ERBIN: variants seen among roughly 807,000 people sequenced by gnomAD.
ERBIN encodes densin-180-like protein.
ERBIN carries 60 observed loss-of-function variants against 158.4 expected under a neutral mutation model. The ratio of observed to expected loss-of-function variants is 0.38; its 90% confidence interval spans 0.31 to 0.47. ERBIN has a LOEUF of 0.47. Ranked by LOEUF, ERBIN falls within the 20% of genes least tolerant of loss-of-function variation. The pLI is 0.99. For missense variants in ERBIN, 1,610 were observed against 1,648.0 expected (o/e 0.98, Z 0.40); for synonymous variants, 594 against 557.2 (o/e 1.07, Z -0.93).
intron 1 of ERBIN, among the ~76,000 whole-genome samples, chr5:65,929,088 A>G (rs1743039799): frequency 1.3e-5 from 2 of 152,186 alleles, no homozygotes; most frequent in Non-Finnish European, 2.9e-5. Flanking sequence ...TTGAGATCAA[A>G]CTATTGTAAA....
Position 66,075,128 on chromosome 5 carries a change from A to G in ERBIN, c.3861A>G (p.Arg1287=). The G allele has an allele frequency of 6.2e-7, 1 of 1,614,182 alleles. No homozygotes were observed. The highest frequency in any genetic ancestry group is 2.2e-5 in the East Asian group (1 of 44,882). The part of the protein sequence containing the change: ...PQASVARHPS[R]EQLIDYLMLK... ...CATCTGTGGCAAGGCATCCCTCTAG[A>G]GAACAACTAATTGATTACTTGATGC... is the stretch of plus-strand genomic sequence containing the variant. Residue 1287 remains arginine (R), a synonymous_variant, in exon 23 of 26, where the codon AGA becomes AGG. Transcript: ENST00000284037.
At chr5:65,973,348 C>T (rs1393616704) in intron 1 of ERBIN, among the ~76,000 whole-genome samples, 5 of 150,822 alleles carry the variant, frequency 3.3e-5, no homozygotes, top group South Asian at 4.1e-4. Flanking sequence ...CACATGTATA[C>T]GTATGTAACA....
intron 1 of ERBIN, among the ~76,000 whole-genome samples, chr5:65,941,930 TG>T: frequency 6.6e-6 from 1 of 152,188 alleles, no homozygotes; most frequent in East Asian, 1.9e-4. Flanking sequence ...TTAGTAGAGA[TG>T]GGGTTTCACC....
chr5:66,061,306 T>C (rs939311109), intron 21 of ERBIN, among the ~76,000 whole-genome samples: 2 of 152,202 alleles, frequency 1.3e-5, no homozygotes, highest in African/African-American at 4.8e-5. Flanking sequence ...ATGGCCTTCT[T>C]TGACTCTTTT....
intron 1 of ERBIN, among the ~76,000 whole-genome samples, chr5:65,969,738 C>T (rs183485691): frequency 1.1e-3 from 168 of 152,230 alleles, no homozygotes; most frequent in Non-Finnish European, 1.9e-3. Context: ...CTCTAAAACT[C>T]ACCCCCTGCT....
At position 66,067,595 on chromosome 5, in the gene ERBIN, A is replaced by G. The variant is rs145619720; in HGVS notation, c.3634-4574A>G. Reference sequence around the variant, plus strand: ...AGCAATTAGGTATTCATATGAATTCAGTTTGTGAGAGGATTCCATCAATGG... The same window carrying G: ...AGCAATTAGGTATTCATATGAATTCGGTTTGTGAGAGGATTCCATCAATGG... On this transcript the variant is annotated intron_variant, in intron 21 of 25. Coordinates refer to ENST00000284037, the MANE Select transcript of ERBIN (RefSeq NM_001253697.2). Among the ~76,000 whole-genome samples the G allele has an allele frequency of 1.6e-4, 24 of 152,346 alleles. No individual in the cohort carries two copies. The East Asian group carries it at 4.6e-3, about 29-fold the overall frequency.
At chr5:65,971,055 A>G (rs1359932813) in intron 1 of ERBIN, among the ~76,000 whole-genome samples, 1 of 152,178 alleles carries the variant, frequency 6.6e-6, no homozygotes, top group Non-Finnish European at 1.5e-5. Context: ...ATTCAACGTT[A>G]ATTTGACTGA....
At chr5:65,933,120 G>C (rs1743644785) in intron 1 of ERBIN, among the ~76,000 whole-genome samples, 1 of 152,036 alleles carries the variant, frequency 6.6e-6, no homozygotes, top group Admixed American at 6.6e-5. Flanking sequence ...CCTATTTTTG[G>C]TCTGCATGTA....
intron 2 of ERBIN, among the ~76,000 whole-genome samples, chr5:65,989,443 A>G (rs1010653178): frequency 1.3e-5 from 2 of 152,172 alleles, no homozygotes; most frequent in African/African-American, 4.8e-5. Context: ...TGTAGTCTCT[A>G]TTCACAGAAA....
chr5:65,954,387 A>C (rs1746853401), intron 1 of ERBIN, among the ~76,000 whole-genome samples: 3 of 152,288 alleles, frequency 2.0e-5, no homozygotes, highest in Middle Eastern at 3.4e-3. Context: ...GTTGTGCAAG[A>C]GATGAGAGTA....
chr5:66,044,366 G>A (rs1758203641), intron 17 of ERBIN, 56 bp downstream of exon 17: 4 of 1,496,458 alleles, frequency 2.7e-6, no homozygotes, highest in Non-Finnish European at 9.0e-7. Context: ...ATTTTTAAAT[G>A]ACAGTTGATA....
rs150528683 is a variant in ERBIN, at chr5:65,931,770, A to C, written c.-58+4964A>C. On this transcript the variant is annotated intron_variant, in intron 1 of 25. Coordinates refer to ENST00000284037, the MANE Select transcript of ERBIN (RefSeq NM_001253697.2). ...AAGTATATGAAGAAAATCCAGCCTT[A>C]TACAGGTATTTGGTTGGAAAAGGGA... 3.3e-5 allele frequency among the ~76,000 whole-genome samples: 5 copies of C among 150,636 alleles called. No individual in the cohort carries two copies. In the East Asian group the frequency reaches 9.7e-4, roughly 29 times the overall value.
chr5:66,006,074 C>T (rs1045147098), intron 4 of ERBIN, among the ~76,000 whole-genome samples: 4 of 152,178 alleles, frequency 2.6e-5, no homozygotes, highest in Admixed American at 6.5e-5. Context: ...AAAAAGAGCC[C>T]GCATCGCCAA....
At chr5:65,963,966 A>AT (rs1194518784) in intron 1 of ERBIN, among the ~76,000 whole-genome samples, 1 of 151,696 alleles carries the variant, frequency 6.6e-6, no homozygotes. Flanking sequence ...TGCTTGGCTA[A>AT]TTTTTTGTAT....
chr5:66,014,726 G>T lies in ERBIN; in HGVS notation c.533+1G>T. 7.2e-7 allele frequency: 1 copy of T among 1,394,562 alleles called. No homozygotes were observed. The highest frequency in any genetic ancestry group is 9.7e-7 in the Non-Finnish European group (1 of 1,026,664). The allele number at this position is 1,394,562 out of a possible 1,614,324, so 86.4% of individuals were successfully genotyped here. Reference sequence around the variant, plus strand: ...AAAACCAGTTAAAAATGTTGCCTAAGTAAGTAAAGGTGCTATTCTTTAAAA... The same window carrying T: ...AAAACCAGTTAAAAATGTTGCCTAATTAAGTAAAGGTGCTATTCTTTAAAA... On this transcript the variant is annotated splice_donor_variant, in intron 7 of 25. Transcript: ENST00000284037. LOFTEE classifies it high-confidence loss of function.
intron 14 of ERBIN, among the ~76,000 whole-genome samples, chr5:66,029,159 A>G (rs1229553669): frequency 6.6e-6 from 1 of 152,146 alleles, no homozygotes; most frequent in East Asian, 1.9e-4. Flanking sequence ...TTTCTTTTGG[A>G]TATATATCCA....
intron 7 of ERBIN, among the ~76,000 whole-genome samples, chr5:66,018,113 C>T (rs1754990878): frequency 6.6e-6 from 1 of 151,606 alleles, no homozygotes; most frequent in South Asian, 2.1e-4. Flanking sequence ...AGTGTGATGC[C>T]TTCAACTTTG....
chr5:65,996,706 G>C (rs1752481023), intron 4 of ERBIN, among the ~76,000 whole-genome samples: 1 of 152,114 alleles, frequency 6.6e-6, no homozygotes, highest in African/African-American at 2.4e-5. Context: ...TGAATCTGTA[G>C]ACCACTTTGG....
At chr5:65,993,116 G>T (rs1454080808) in intron 3 of ERBIN, among the ~76,000 whole-genome samples, 1 of 152,066 alleles carries the variant, frequency 6.6e-6, no homozygotes. Context: ...TTATACTTGT[G>T]CAGATAACGT....
Sources: allele counts gnomAD v4.1 joint callset (sites outside exome capture counted in the v4.1 genomes callset), GRCh38; gene constraint gnomAD v4.1.1; transcripts MANE v1.5; gene names NCBI Gene and HGNC (gene_info 2026-07-23, HGNC 2026-07-21).